VWA5B1: variants seen among roughly 807,000 people sequenced by gnomAD.
The protein encoded by VWA5B1 is von Willebrand factor A domain-containing protein 5B1.
Under a neutral mutation model 118.2 loss-of-function variants are expected in VWA5B1, and 115 were observed. The observed-to-expected ratio is 0.97, with a 90% CI of 0.84 to 1.14. The LOEUF (loss-of-function observed/expected upper bound fraction) is 1.14, where lower values mean the gene tolerates loss of function less well. Ranked by LOEUF, VWA5B1 falls within the 50% of genes most tolerant of loss-of-function variation. VWA5B1 has a pLI of 0.00. For missense variants in VWA5B1, 1,596 were observed against 1,603.8 expected (o/e 1.00, Z 0.08); for synonymous variants, 682 against 658.4 (o/e 1.04, Z -0.55).
chr1:20,291,821 G>A (rs2088312085), intron 1 of VWA5B1, among the ~76,000 whole-genome samples: 1 of 152,216 alleles, frequency 6.6e-6, no homozygotes, highest in South Asian at 2.1e-4. Flanking sequence ...GGCGGCTAGT[G>A]GAGAGGAACT....
intron 11 of VWA5B1, among the ~76,000 whole-genome samples, chr1:20,332,514 TAA>T (rs1351250006): frequency 6.7e-6 from 1 of 148,446 alleles, no homozygotes; most frequent in African/African-American, 2.5e-5. Flanking sequence ...TAAAATAAAA[TAA>T]AATAAAATAA....
At chr1:20,306,205 C>G (rs2088647914) in intron 1 of VWA5B1, among the ~76,000 whole-genome samples, 1 of 152,108 alleles carries the variant, frequency 6.6e-6, no homozygotes, top group African/African-American at 2.4e-5. Context: ...TTTCAGGGCC[C>G]TTCCTGAGAA....
At chr1:20,351,415 A>G (rs1261312453) in intron 20 of VWA5B1, among the ~76,000 whole-genome samples, 8 of 152,138 alleles carry the variant, frequency 5.3e-5, no homozygotes, top group Non-Finnish European at 8.8e-5. Flanking sequence ...GCACTTTGGG[A>G]GGCCGAGATG....
intron 13 of VWA5B1, among the ~76,000 whole-genome samples, chr1:20,336,695 G>A (rs750251071): frequency 7.2e-5 from 11 of 152,110 alleles, no homozygotes; most frequent in South Asian, 6.2e-4. Context: ...CAAAGAGTCC[G>A]GATCTATCTG....
chr1:20,323,527 G>C lies in VWA5B1; in HGVS notation c.1138G>C (p.Val380Leu), dbSNP rs931826479. ...CATGAGCGGGATCAGCATGCACCGA[G>C]TCAAGGTACCTGCTGAGAGAACCCC... ...SSMSGISMHRVKDAMLVALKS... is the reference protein window; with the variant it reads ...SSMSGISMHRLKDAMLVALKS... Residue 380 changes from valine (V) to leucine (L), a missense_variant, in exon 8 of 22, where the codon GTC becomes CTC. Physicochemically the swap from Val to Leu is conservative, Grantham distance 32. Coordinates refer to ENST00000289815, the MANE Select transcript of VWA5B1 (RefSeq NM_001039500.3). 2 of 1,456,338 alleles carry C rather than the reference G, an allele frequency of 1.4e-6. No homozygotes were observed. The highest frequency in any genetic ancestry group is 1.8e-6 in the Non-Finnish European group (2 of 1,098,736). The allele number at this position is 1,456,338 out of a possible 1,614,324, so 90.2% of individuals were successfully genotyped here.
At position 20,358,823 on chromosome 1, in the gene VWA5B1, C is replaced by A. The variant is rs559940082; in HGVS notation, c.*4560C>A. Among the ~76,000 whole-genome samples the A allele has an allele frequency of 7.2e-4, 110 of 152,318 alleles. No homozygotes were observed. The highest frequency in any genetic ancestry group is 1.3e-3 in the Non-Finnish European group (88 of 68,028). On this transcript the variant is annotated 3_prime_UTR_variant, in exon 22 of 22. Coordinates refer to ENST00000289815, the MANE Select transcript of VWA5B1 (RefSeq NM_001039500.3). ...CTGTAACATAGCATGCTCTGCAAAGCCAGTGTAAAAATAACCAGGGCAGGG... is the reference window on the plus strand; with the variant it reads ...CTGTAACATAGCATGCTCTGCAAAGACAGTGTAAAAATAACCAGGGCAGGG...
intron 2 of VWA5B1, among the ~76,000 whole-genome samples, chr1:20,311,692 C>A (rs186724268): frequency 6.6e-6 from 1 of 152,256 alleles, no homozygotes; most frequent in Admixed American, 6.5e-5. Flanking sequence ...AGTGATGGGG[C>A]CTCATAACCA....
At chr1:20,321,965 C>T (rs973515190) in intron 7 of VWA5B1, among the ~76,000 whole-genome samples, 1 of 152,160 alleles carries the variant, frequency 6.6e-6, no homozygotes, top group East Asian at 1.9e-4. Context: ...CAAGAACAGT[C>T]GCTCTGGCTG....
At position 20,337,730 on chromosome 1, in the gene VWA5B1, G is replaced by T; in HGVS notation, c.2027G>T (p.Ser676Ile). ...HKPLPRATMA[S>I]DPMPAAKRYP... ...CCCCTCCCAAGAGCCACCATGGCAAGTGACCCCATGCCAGCTGCCAAGAGA... is the reference window on the plus strand; with the variant it reads ...CCCCTCCCAAGAGCCACCATGGCAATTGACCCCATGCCAGCTGCCAAGAGA... Residue 676 changes from serine (S) to isoleucine (I), a missense_variant, in exon 14 of 22, where the codon AGT becomes ATT. Coordinates refer to ENST00000289815, the MANE Select transcript of VWA5B1 (RefSeq NM_001039500.3). The T allele has an allele frequency of 6.4e-7, 1 of 1,551,766 alleles. No individual in the cohort carries two copies.
chr1:20,342,410 C>G (rs767171338), intron 14 of VWA5B1, 22 bp from the exon 15 acceptor site: 4 of 1,548,110 alleles, frequency 2.6e-6, no homozygotes, highest in Admixed American at 2.0e-5. Context: ...TCCTCTTTCT[C>G]TTTCTCCTCT....
At chr1:20,352,207 C>A (rs377460224) in intron 21 of VWA5B1, 35 bp downstream of exon 21, 2 of 1,495,096 alleles carry the variant, frequency 1.3e-6, no homozygotes, top group Admixed American at 2.0e-5. Flanking sequence ...AGTCTCCCTC[C>A]GCTCCACTCA....
chr1:20,345,596 A>G lies in VWA5B1; in HGVS notation c.2764+3A>G. ...CGTGGTGGAGTACCCCAACTCTGGTAAGGCAGGCGAGCGGCCGGGGGCACT... is the reference window on the plus strand; with the variant it reads ...CGTGGTGGAGTACCCCAACTCTGGTGAGGCAGGCGAGCGGCCGGGGGCACT... On this transcript the variant is annotated splice_donor_region_variant and intron_variant, in intron 17 of 21. Transcript: ENST00000289815. 1 of 1,543,370 alleles carries G rather than the reference A, an allele frequency of 6.5e-7. No homozygotes were observed. The highest frequency in any genetic ancestry group is 8.8e-7 in the Non-Finnish European group (1 of 1,142,808).
chr1:20,345,726 C>A, intron 17 of VWA5B1, 133 bp downstream of exon 17: 1 of 1,316,790 alleles, frequency 7.6e-7, no homozygotes, highest in Non-Finnish European at 1.0e-6. Context: ...GCAGAAAGGC[C>A]CCCAGTGGAT....
intron 2 of VWA5B1, among the ~76,000 whole-genome samples, chr1:20,311,018 G>A (rs1050962514): frequency 2.0e-5 from 3 of 152,134 alleles, no homozygotes; most frequent in African/African-American, 7.2e-5. Flanking sequence ...TGTCGCCCAG[G>A]CTTGAATGCA....
At chr1:20,336,580 C>A in intron 13 of VWA5B1, 94 bp downstream of exon 13, 1 of 1,255,674 alleles carries the variant, frequency 8.0e-7, no homozygotes, top group Non-Finnish European at 1.0e-6. Context: ...TAGTTAGCAG[C>A]TGCAGAGGTG....
intron 1 of VWA5B1, among the ~76,000 whole-genome samples, chr1:20,305,473 A>G (rs1301976670): frequency 6.6e-6 from 1 of 152,108 alleles, no homozygotes. Flanking sequence ...AGAGAAGGCA[A>G]GCCACAAGGA....
intron 7 of VWA5B1, among the ~76,000 whole-genome samples, chr1:20,322,862 T>C (rs916236826): frequency 6.6e-6 from 1 of 152,086 alleles, no homozygotes; most frequent in Non-Finnish European, 1.5e-5. Flanking sequence ...ACAGGTAGAA[T>C]TTGAAGAGTG....
At chr1:20,308,337 G>A (rs921293722) in intron 1 of VWA5B1, among the ~76,000 whole-genome samples, 1 of 152,208 alleles carries the variant, frequency 6.6e-6, no homozygotes, top group African/African-American at 2.4e-5. Context: ...GGCAGATTGG[G>A]TTGGGTAAGA....
At chr1:20,310,508 C>A (rs372073656) in intron 1 of VWA5B1, 68 bp from the exon 2 acceptor site, 1 of 1,389,104 alleles carries the variant, frequency 7.2e-7, no homozygotes, top group Non-Finnish European at 9.4e-7. Context: ...GTGTCTGAAA[C>A]GGGAAAACTA....
Sources: gnomAD v4.1 joint callset for allele counts (sites outside exome capture counted in the v4.1 genomes callset) on GRCh38, gnomAD v4.1.1 for gene constraint, MANE v1.5 for transcripts, NCBI Gene and HGNC (gene_info 2026-07-23, HGNC 2026-07-21) for gene names.